The following COMMD10 variants were observed in gnomAD, a reference collection of about 807,000 sequenced individuals.
The protein encoded by COMMD10 is COMM domain-containing protein 10.
COMMD10 carries 33 observed loss-of-function variants against 28.9 expected under a neutral mutation model. The observed-to-expected ratio is 1.14, with a 90% CI of 0.87 to 1.53. COMMD10 has a LOEUF of 1.53. Among genes scored for constraint, COMMD10 ranks in the 40% most tolerant of loss-of-function variants. The probability of loss-of-function intolerance (pLI) is 0.00; values close to 1 mark genes in which losing one functional copy is unlikely to be tolerated. For synonymous variants in COMMD10, 110 were observed against 81.7 expected (o/e 1.35, Z -1.87); for missense variants, 310 against 233.4 (o/e 1.33, Z -2.14).
intron 5 of COMMD10, among the ~76,000 whole-genome samples, chr5:116,250,016 T>C (rs1267989820): frequency 6.6e-6 from 1 of 151,958 alleles, no homozygotes; most frequent in Non-Finnish European, 1.5e-5. Context: ...TTTTTCAAAT[T>C]TCATTTTATG....
intron 5 of COMMD10, among the ~76,000 whole-genome samples, chr5:116,282,922 CTCATAG>C (rs1474236289): frequency 3.3e-5 from 5 of 152,022 alleles, no homozygotes; most frequent in African/African-American, 1.2e-4. Flanking sequence ...AGAGCCTAAA[CTCATAG>C]TTGATAGACG....
chr5:116,186,299 T>G (rs548901428), intron 5 of COMMD10, among the ~76,000 whole-genome samples: 1 of 152,314 alleles, frequency 6.6e-6, no homozygotes, highest in Non-Finnish European at 1.5e-5. Context: ...CTTTTGTAAA[T>G]TTGTTTCATT....
intron 5 of COMMD10, among the ~76,000 whole-genome samples, chr5:116,244,269 C>T (rs1362440869): frequency 6.6e-6 from 1 of 151,898 alleles, no homozygotes; most frequent in African/African-American, 2.4e-5. Flanking sequence ...AATTGATTCC[C>T]ACTGGACACA....
At chr5:116,220,230 G>T (rs1246204897) in intron 5 of COMMD10, among the ~76,000 whole-genome samples, 1 of 152,148 alleles carries the variant, frequency 6.6e-6, no homozygotes, top group Non-Finnish European at 1.5e-5. Flanking sequence ...CAGGCATAAA[G>T]TCTCAGATAA....
rs62384713 is a variant in COMMD10 at position 116,116,005 on chromosome 5, T to G, written c.400-18063T>G. Among the ~76,000 whole-genome samples, 683 of 152,318 alleles carry G rather than the reference T, an allele frequency of 4.5e-3. 5 individuals are homozygous for G. Among genetic ancestry groups the G allele is most frequent in the Non-Finnish European group, 7.1e-3 (484 of 68,006 alleles). ...TTGAATGTTTAGAATGTGTTTAATG[T>G]GATTTTCTCCTGCTAAGAATGTTCT... is the stretch of plus-strand genomic sequence containing the variant. On this transcript the variant is annotated intron_variant, in intron 4 of 6. Coordinates refer to ENST00000274458, the MANE Select transcript of COMMD10 (RefSeq NM_016144.4).
intron 5 of COMMD10, among the ~76,000 whole-genome samples, chr5:116,248,319 C>G (rs1750014501): frequency 6.6e-6 from 1 of 151,816 alleles, no homozygotes; most frequent in South Asian, 2.1e-4. Flanking sequence ...CAGATGGATA[C>G]AGATGGAACT....
At chr5:116,205,405 C>A (rs72804883) in intron 5 of COMMD10, among the ~76,000 whole-genome samples, 1 of 152,078 alleles carries the variant, frequency 6.6e-6, no homozygotes, top group African/African-American at 2.4e-5. Context: ...TGAATTTTTA[C>A]CATCTTCTGA....
At chr5:116,132,650 T>C (rs1192352231) in intron 4 of COMMD10, among the ~76,000 whole-genome samples, 1 of 152,104 alleles carries the variant, frequency 6.6e-6, no homozygotes, top group Non-Finnish European at 1.5e-5. Flanking sequence ...GCTTTTCAAT[T>C]AAGACGGCAT....
In COMMD10 at chr5:116,266,746, C is replaced by T. The variant is rs1012492969; in HGVS notation, c.511-24771C>T. ...AGCAGCACATCAAAAAGCTTAACCA[C>T]CATGATCAAGTGGGCTTCATCCCTG... On this transcript the variant is annotated intron_variant, in intron 5 of 6. Coordinates refer to ENST00000274458, the MANE Select transcript of COMMD10 (RefSeq NM_016144.4). Among the ~76,000 whole-genome samples the T allele has an allele frequency of 1.4e-4, 21 of 151,918 alleles. 1 individual carries two copies. The highest frequency in any genetic ancestry group is 5.1e-4 in the African/African-American group (21 of 41,254).
chr5:116,155,350 C>T (rs556454191), intron 5 of COMMD10, among the ~76,000 whole-genome samples: 8 of 152,072 alleles, frequency 5.3e-5, no homozygotes, highest in African/African-American at 1.9e-4. Flanking sequence ...TTATATATGC[C>T]ATCAGAATCT....
intron 5 of COMMD10, among the ~76,000 whole-genome samples, chr5:116,146,503 A>G (rs1029702902): frequency 6.6e-6 from 1 of 151,882 alleles, no homozygotes; most frequent in Non-Finnish European, 1.5e-5. Context: ...TTCAAGACAG[A>G]GTAAAGATGT....
At chr5:116,103,060 A>C (rs1399819752) in intron 4 of COMMD10, among the ~76,000 whole-genome samples, 1 of 151,998 alleles carries the variant, frequency 6.6e-6, no homozygotes, top group Non-Finnish European at 1.5e-5. Context: ...TTTTTAATCC[A>C]GTCTTTCATT....
chr5:116,166,532 C>T lies in COMMD10; in HGVS notation c.510+32354C>T, dbSNP rs181026316. 4.8e-3 allele frequency among the ~76,000 whole-genome samples: 735 copies of T among 152,338 alleles called. 5 individuals carry two copies. The highest frequency in any genetic ancestry group is 0.015 in the African/African-American group (614 of 41,572). Reference sequence around the variant, plus strand: ...CCTCCTCAAGTGGGTCCCCGGCCCCCGTGCCTCCTGATGGGGTGACACCTC... The same window carrying T: ...CCTCCTCAAGTGGGTCCCCGGCCCCTGTGCCTCCTGATGGGGTGACACCTC... On this transcript the variant is annotated intron_variant, in intron 5 of 6. Coordinates refer to ENST00000274458, the MANE Select transcript of COMMD10 (RefSeq NM_016144.4).
intron 5 of COMMD10, among the ~76,000 whole-genome samples, chr5:116,262,399 C>T (rs1750472009): frequency 6.6e-6 from 1 of 151,524 alleles, no homozygotes; most frequent in Non-Finnish European, 1.5e-5. Flanking sequence ...CAAAGTTAGA[C>T]CTAAGAGGAT....
intron 4 of COMMD10, among the ~76,000 whole-genome samples, chr5:116,120,668 G>C (rs1310815353): frequency 1.3e-5 from 2 of 151,794 alleles, no homozygotes; most frequent in Admixed American, 1.3e-4. Context: ...TGGACTTACA[G>C]ATATACTTTT....
chr5:116,282,501 T>C (rs1409437133), intron 5 of COMMD10, among the ~76,000 whole-genome samples: 1 of 151,958 alleles, frequency 6.6e-6, no homozygotes, highest in Non-Finnish European at 1.5e-5. Flanking sequence ...ATTGCTCTTA[T>C]GATAAAGATC....
At chr5:116,258,712 C>T (rs1185077637) in intron 5 of COMMD10, among the ~76,000 whole-genome samples, 2 of 150,968 alleles carry the variant, frequency 1.3e-5, no homozygotes, top group East Asian at 3.9e-4. Flanking sequence ...TTTTTCATCC[C>T]TTCGTCCTCT....
intron 4 of COMMD10, among the ~76,000 whole-genome samples, chr5:116,115,931 T>C (rs796370200): frequency 7.9e-5 from 12 of 152,310 alleles, no homozygotes; most frequent in African/African-American, 2.6e-4. Flanking sequence ...AATGCACTTA[T>C]GGTTTTGTCA....
chr5:116,121,015 G>T (rs1239334044), intron 4 of COMMD10, among the ~76,000 whole-genome samples: 2 of 151,924 alleles, frequency 1.3e-5, no homozygotes, highest in Non-Finnish European at 2.9e-5. Flanking sequence ...TAAGTTCTAG[G>T]ATACATATGC....
Sources: allele counts gnomAD v4.1 joint callset (sites outside exome capture counted in the v4.1 genomes callset), GRCh38; gene constraint gnomAD v4.1.1; transcripts MANE v1.5; gene names NCBI Gene and HGNC (gene_info 2026-07-23, HGNC 2026-07-21).